FAT4: variants seen among roughly 807,000 people sequenced by gnomAD.
FAT4 encodes the protein FAT atypical cadherin 4.
In FAT4, 84 loss-of-function variants were observed where a neutral mutation model predicts 303.9. That is an observed-to-expected ratio of 0.28 (90% CI 0.23 to 0.33). The LOEUF (loss-of-function observed/expected upper bound fraction) is 0.33, where lower values mean the gene tolerates loss of function less well. Ranked by LOEUF, FAT4 falls within the 10% of genes least tolerant of loss-of-function variation. FAT4 has a pLI of 1.00. For synonymous variants in FAT4, 2,307 were observed against 2,298.8 expected (o/e 1.00, Z -0.10); for missense variants, 6,005 against 6,146.8 (o/e 0.98, Z 0.77).
Position 125,446,524 on chromosome 4 carries a change from C to T in FAT4, c.7431C>T (p.Ile2477=). ...RFQHHPYVTH[I]PSPTLPGSFV... Reference sequence around the variant, plus strand: ...AGCATCACCCATATGTCACTCACATCCCATCTCCTACTCTTCCAGGTAATC... The same window carrying T: ...AGCATCACCCATATGTCACTCACATTCCATCTCCTACTCTTCCAGGTAATC... The change falls in exon 9 of 18, where the codon ATC becomes ATT. Residue 2477 remains isoleucine (I), a synonymous_variant. Transcript: ENST00000394329. 1.2e-6 allele frequency: 2 copies of T among 1,611,650 alleles called. No homozygotes were observed. Among genetic ancestry groups the T allele is most frequent in the Non-Finnish European group, 1.7e-6 (2 of 1,178,166 alleles).
At chr4:125,435,152 C>T (rs1725409733) in intron 8 of FAT4, among the ~76,000 whole-genome samples, 1 of 152,138 alleles carries the variant, frequency 6.6e-6, no homozygotes, top group Non-Finnish European at 1.5e-5. Flanking sequence ...TTTTACTTTG[C>T]TTAAATCCTC....
chr4:125,407,079 A>T lies in FAT4; in HGVS notation c.5507A>T (p.Asp1836Val). 1 of 1,613,702 alleles carries T rather than the reference A, an allele frequency of 6.2e-7. No homozygotes were observed. Among genetic ancestry groups the T allele is most frequent in the Non-Finnish European group, 8.5e-7 (1 of 1,179,740 alleles). ...AATATCACTGTCAGTGATGTGAATG[A>T]CCATACACCCAAATTTTCCAGACCC... is the stretch of plus-strand genomic sequence containing the variant. ...RINITVSDVN[D>V]HTPKFSRPVY... is the part of the protein sequence containing the mutation. The change falls in exon 4 of 18, where the codon GAC becomes GTC. Residue 1836 changes from aspartate to valine, a missense_variant. By Grantham distance (152) the Asp-to-Val change is radical (BLOSUM62 -3). Coordinates refer to ENST00000394329, the MANE Select transcript of FAT4 (RefSeq NM_001291303.3).
chr4:125,318,705 C>T lies in FAT4; in HGVS notation c.2294C>T (p.Ala765Val), dbSNP rs1470443990. Residue 765 changes from alanine (A) to valine (V), a missense_variant, in exon 2 of 18, where the codon GCT (alanine) becomes GTT (valine). Physicochemically the swap from Ala to Val is moderately conservative, Grantham distance 64. Coordinates refer to ENST00000394329, the MANE Select transcript of FAT4 (RefSeq NM_001291303.3). Reference sequence around the variant, plus strand: ...ACAGCTTATCAGTTGCAAATAGTAGCTACTGATGGTGGCAATTTACAATCT... The same window carrying T: ...ACAGCTTATCAGTTGCAAATAGTAGTTACTGATGGTGGCAATTTACAATCT... ...EKTAYQLQIV[A>V]TDGGNLQSPN... 1 of 1,613,910 alleles carries T rather than the reference C, an allele frequency of 6.2e-7. No homozygotes were observed. Among genetic ancestry groups the T allele is most frequent in the African/African-American group, 1.3e-5 (1 of 74,924 alleles).
intron 16 of FAT4, among the ~76,000 whole-genome samples, chr4:125,483,655 A>G (rs891361420): frequency 3.3e-5 from 5 of 151,644 alleles, no homozygotes; most frequent in Non-Finnish European, 7.4e-5. Flanking sequence ...AGTAAGTGCA[A>G]ATTAATAAAA....
At chr4:125,384,660 A>G (rs1400409843) in intron 2 of FAT4, among the ~76,000 whole-genome samples, 1 of 152,102 alleles carries the variant, frequency 6.6e-6, no homozygotes, top group Non-Finnish European at 1.5e-5. Flanking sequence ...ATTGTGATGA[A>G]GTCTAAATTT....
At position 125,448,621 on chromosome 4, in the gene FAT4, A is replaced by AT; in HGVS notation, c.7615dup (p.Ser2539PhefsTer21). 6.2e-7 allele frequency: 1 copy of AT among 1,613,888 alleles called. No individual in the cohort carries two copies. The highest frequency in any genetic ancestry group is 8.5e-7 in the Non-Finnish European group (1 of 1,179,888). ...CACTAAACGGAGCTTCAGAAGTGAC[A>AT]TTTTCTGTGCATGTAAAAGATGGTG... On this transcript the variant is annotated frameshift_variant, in exon 10 of 18. Transcript: ENST00000394329. LOFTEE classifies it high-confidence loss of function.
intron 10 of FAT4, among the ~76,000 whole-genome samples, chr4:125,459,185 A>G (rs571298960): frequency 1.3e-5 from 2 of 152,174 alleles, no homozygotes; most frequent in East Asian, 3.9e-4. Flanking sequence ...TGAAGGCTAC[A>G]TGTATCATAG....
At position 125,331,121 on chromosome 4, in the gene FAT4, T is replaced by C. The variant is rs116637238; in HGVS notation, c.5175+9535T>C. 4.4e-3 allele frequency among the ~76,000 whole-genome samples: 666 copies of C among 152,294 alleles called. 5 individuals carry two copies. The highest frequency in any genetic ancestry group is 0.015 in the African/African-American group (630 of 41,572). ...TCCTTTTGTTTCTGCTTTTTTCTTATCATCACCCGACATAACACATATGTT... is the reference window on the plus strand; with the variant it reads ...TCCTTTTGTTTCTGCTTTTTTCTTACCATCACCCGACATAACACATATGTT... On this transcript the variant is annotated intron_variant, in intron 2 of 17. Transcript: ENST00000394329.
intron 4 of FAT4, 40 bp downstream of exon 4, chr4:125,407,181 C>G: frequency 6.4e-7 from 1 of 1,560,780 alleles, no homozygotes; most frequent in Non-Finnish European, 8.7e-7. Context: ...GCAAGAATCG[C>G]TTTTGAACCA....
Position 125,398,799 on chromosome 4 carries a change from C to G in FAT4, c.5191C>G (p.Gln1731Glu), listed in dbSNP as rs367948625. 12 of 1,612,910 alleles carry G rather than the reference C, an allele frequency of 7.4e-6. No individual in the cohort carries two copies. In the Middle Eastern group the frequency reaches 8.2e-4, roughly 111 times the overall value. ...TQRAEVEITL[Q>E]DINDNPPVFP... ...TTCTTTGTAGGTAGAAATAACACTT[C>G]AGGATATCAATGACAATCCACCAGT... Residue 1731 changes from glutamine to glutamate, a missense_variant, in exon 3 of 18, where the codon CAG (glutamine) becomes GAG (glutamate). Physicochemically the swap from Gln to Glu is conservative, Grantham distance 29. Coordinates refer to ENST00000394329, the MANE Select transcript of FAT4 (RefSeq NM_001291303.3).
intron 14 of FAT4, 141 bp downstream of exon 14, chr4:125,477,475 A>G: frequency 1.4e-6 from 1 of 740,286 alleles, no homozygotes; most frequent in Non-Finnish European, 2.0e-6. Flanking sequence ...TTTAAATACT[A>G]TACCTTTGAA....
rs1560775151 is a variant in FAT4, at chr4:125,354,386, T to C, written c.5175+32800T>C. ...AACTAAGATACTTTGGTGTTATATA[T>C]GGATATAGTCAACTTAGAAAATTAT... On this transcript the variant is annotated intron_variant, in intron 2 of 17. Transcript: ENST00000394329. Among the ~76,000 whole-genome samples the C allele has an allele frequency of 2.0e-5, 3 of 151,938 alleles. No homozygotes were observed. In the South Asian group the frequency reaches 6.2e-4, roughly 31 times the overall value.
rs761791485 is a variant in FAT4, at chr4:125,450,082, C to T, written c.9072C>T (p.Phe3024=). The change falls in exon 10 of 18, where the codon TTC becomes TTT. Residue 3024 remains phenylalanine, a synonymous_variant. Coordinates refer to ENST00000394329, the MANE Select transcript of FAT4 (RefSeq NM_001291303.3). ...GACTGAATTCAGAAGTGGAGTATTT[C>T]ATTTCTAATGATAACCATTTAGGAA... ...DFGLNSEVEY[F]ISNDNHLGKF... 6.2e-6 allele frequency: 10 copies of T among 1,613,686 alleles called. No homozygotes were observed. The East Asian group carries it at 2.0e-4, about 32-fold the overall frequency.
intron 5 of FAT4, among the ~76,000 whole-genome samples, chr4:125,414,659 A>G (rs1734968144): frequency 6.6e-6 from 1 of 152,178 alleles, no homozygotes; most frequent in Admixed American, 6.6e-5. Flanking sequence ...ATAGAAAAAT[A>G]TCTGCTCTCT....
At position 125,446,046 on chromosome 4, in the gene FAT4, A is replaced by G. The variant is rs879835241; in HGVS notation, c.7200-247A>G. The G allele has an allele frequency of 1.7e-4, 56 of 336,054 alleles. No individual in the cohort carries two copies. In the Middle Eastern group the frequency reaches 2.7e-3, roughly 16 times the overall value. 20.8% of individuals were successfully genotyped at this position (336,054 alleles called of 1,614,324 possible). ...GTTTGGTGGCCTTGCACAACTTAAGAGTCCTAAAAACCTTGTGAAGACTTC... is the reference window on the plus strand; with the variant it reads ...GTTTGGTGGCCTTGCACAACTTAAGGGTCCTAAAAACCTTGTGAAGACTTC... On this transcript the variant is annotated intron_variant, in intron 8 of 17. Transcript: ENST00000394329.
At position 125,461,946 on chromosome 4, in the gene FAT4, T is replaced by C. The variant is rs529821728; in HGVS notation, c.11801-1617T>C. ...GAAGTTTTCCTGCCTATTTCTCCAA[T>C]GTAGTACACTGCTACAATACTTAAA... On this transcript the variant is annotated intron_variant, in intron 10 of 17. Coordinates refer to ENST00000394329, the MANE Select transcript of FAT4 (RefSeq NM_001291303.3). Among the ~76,000 whole-genome samples the C allele has an allele frequency of 2.0e-5, 3 of 152,122 alleles. No individual in the cohort carries two copies. In the East Asian group the frequency reaches 5.8e-4, roughly 29 times the overall value.
chr4:125,362,825 T>G (rs1732723617), intron 2 of FAT4: 1 of 152,086 alleles, frequency 6.6e-6, no homozygotes, highest in African/African-American at 2.4e-5. Flanking sequence ...AGATAGCTGG[T>G]CTGAAGGTAA....
intron 2 of FAT4, among the ~76,000 whole-genome samples, chr4:125,334,317 C>T (rs1398607882): frequency 1.3e-5 from 2 of 152,050 alleles, no homozygotes; most frequent in East Asian, 3.9e-4. Flanking sequence ...TTGCTCTTTC[C>T]CACATGCCCC....
In FAT4 at chr4:125,490,343, C is replaced by T. The variant is rs866912674; in HGVS notation, c.13527C>T (p.Ala4509=). The T allele has an allele frequency of 6.2e-7, 1 of 1,613,992 alleles. No homozygotes were observed. The highest frequency in any genetic ancestry group is 1.3e-5 in the African/African-American group (1 of 74,906). ...EISLPLWAVP[A]IVGSCATVLA... ...CTCTGCCTTTGTGGGCTGTGCCTGC[C>T]ATCGTGGGCAGCTGCGCAACCGTCT... The change falls in exon 18 of 18, where the codon GCC becomes GCT. Residue 4509 remains alanine (A), a synonymous_variant. Coordinates refer to ENST00000394329, the MANE Select transcript of FAT4 (RefSeq NM_001291303.3).
Sources: allele counts gnomAD v4.1 joint callset (sites outside exome capture counted in the v4.1 genomes callset), GRCh38; gene constraint gnomAD v4.1.1; transcripts MANE v1.5; gene names NCBI Gene and HGNC (gene_info 2026-07-23, HGNC 2026-07-21).